The following HAPSTR1 variants were observed in gnomAD, a reference collection of about 807,000 sequenced individuals.
HAPSTR1 encodes HUWE1 associated protein modifying stress responses, also known as HUWE1-associated protein modifying stress responses 1.
the HAPSTR1 span, chr16:9,091,818 G>T: frequency 4.7e-4 from 184 of 392,192 alleles, no homozygotes; most frequent in African/African-American, 3.6e-3. Context: ...CTTCGGCCGG[G>T]CCCGGGGGTG....
At chr16:9,121,293 A>C in the HAPSTR1 span, 1 of 152,190 alleles carries the variant, frequency 6.6e-6, no homozygotes, top group Admixed American at 6.5e-5. Context: ...CTGTAGATGA[A>C]CTATCTGGGT....
chr16:9,108,701 A>G, the HAPSTR1 span: 6 of 152,190 alleles, frequency 3.9e-5, no homozygotes, highest in Non-Finnish European at 5.9e-5. Context: ...TTAAAGGTGA[A>G]TGACCAACTG....
At chr16:9,092,833 C>T in the HAPSTR1 span, 2 of 1,345,454 alleles carry the variant, frequency 1.5e-6, no homozygotes, top group Non-Finnish European at 2.0e-6. Context: ...GATTGACGCG[C>T]AAATAACATT....
At chr16:9,101,390 C>CT in the HAPSTR1 span, among the ~76,000 whole-genome samples, 1 of 152,192 alleles carries the variant, frequency 6.6e-6, no homozygotes, top group African/African-American at 2.4e-5. Context: ...TCTTGAGCTG[C>CT]TTTTTATATT....
At chr16:9,092,318 G>C in the HAPSTR1 span, 2 of 1,425,752 alleles carry the variant, frequency 1.4e-6, no homozygotes, top group African/African-American at 1.5e-5. Context: ...CCCCCGCCCG[G>C]GCCCGGCCCC....
chr16:9,111,736 A>G, the HAPSTR1 span: 2 of 152,186 alleles, frequency 1.3e-5, no homozygotes, highest in Non-Finnish European at 2.9e-5. Flanking sequence ...TGATTTTATG[A>G]TTAATTTCTT....
chr16:9,100,658 C>G, the HAPSTR1 span, among the ~76,000 whole-genome samples: 9 of 152,198 alleles, frequency 5.9e-5, no homozygotes, highest in Non-Finnish European at 1.2e-4. Context: ...CTCAGCCTCC[C>G]GAGTAGCTGG....
chr16:9,113,211 T>C, the HAPSTR1 span: 1 of 152,178 alleles, frequency 6.6e-6, no homozygotes, highest in Non-Finnish European at 1.5e-5. Flanking sequence ...TTAATTATTT[T>C]TGACCCTTGT....
the HAPSTR1 span, chr16:9,108,534 G>T: frequency 6.6e-6 from 1 of 152,210 alleles, no homozygotes; most frequent in South Asian, 2.1e-4. Context: ...TTAGATGTGG[G>T]ATTTCTGTCT....
At chr16:9,117,374 C>G in the HAPSTR1 span, 1 of 166,580 alleles carries the variant, frequency 6.0e-6, no homozygotes, top group African/African-American at 2.4e-5. Context: ...TGCAGCTGCA[C>G]TGTACCATGC....
At chr16:9,100,080 G>C in the HAPSTR1 span, among the ~76,000 whole-genome samples, 1 of 152,164 alleles carries the variant, frequency 6.6e-6, no homozygotes. Flanking sequence ...AACCTTAAAT[G>C]TTGTTTCTGC....
the HAPSTR1 span, chr16:9,111,890 A>G: frequency 7.5e-6 from 1 of 133,214 alleles, no homozygotes; most frequent in African/African-American, 3.2e-5. Flanking sequence ...CATAGTTGAG[A>G]TCATACTGCA....
chr16:9,118,833 G>C, the HAPSTR1 span: 6 of 152,656 alleles, frequency 3.9e-5, no homozygotes, highest in Non-Finnish European at 8.8e-5. Flanking sequence ...TTTTGAGATG[G>C]AGGAACACAT....
chr16:9,092,039 C>T, the HAPSTR1 span: 8 of 1,503,326 alleles, frequency 5.3e-6, no homozygotes, highest in Non-Finnish European at 7.1e-6. Context: ...CGGGAGGCCG[C>T]GGAGGATGGA....
the HAPSTR1 span, chr16:9,120,440 G>C: frequency 6.6e-6 from 1 of 152,016 alleles, no homozygotes; most frequent in South Asian, 2.1e-4. Context: ...TTGTGCTGTT[G>C]GGTTTGATGG....
chr16:9,102,111 AAAAAT>A, the HAPSTR1 span, among the ~76,000 whole-genome samples: 2 of 152,244 alleles, frequency 1.3e-5, no homozygotes, highest in African/African-American at 4.8e-5. Flanking sequence ...CTCCGTCTCA[AAAAAT>A]AAAATAAAAC....
the HAPSTR1 span, among the ~76,000 whole-genome samples, chr16:9,093,499 A>G: frequency 1.3e-5 from 2 of 152,330 alleles, no homozygotes; most frequent in African/African-American, 4.8e-5. Context: ...TGAGTTAGGC[A>G]TTTGAAAGCG....
At chr16:9,091,746 G>T in the HAPSTR1 span, 1 of 399,172 alleles carries the variant, frequency 2.5e-6, no homozygotes. Flanking sequence ...CCATGGGGGG[G>T]CGTTAGACAG....
At chr16:9,092,783 C>G in the HAPSTR1 span, 24 of 951,422 alleles carry the variant, frequency 2.5e-5, no homozygotes, top group East Asian at 5.8e-4. Flanking sequence ...CCCGAAACCC[C>G]TGAACAAAAT....
Sources: gnomAD v4.1 joint callset for allele counts (sites outside exome capture counted in the v4.1 genomes callset) on GRCh38, gnomAD v4.1.1 for gene constraint, MANE v1.5 for transcripts, NCBI Gene and HGNC (gene_info 2026-07-23, HGNC 2026-07-21) for gene names.